The following EFTUD2 variants were observed in gnomAD, a reference collection of about 807,000 sequenced individuals.
The protein encoded by EFTUD2 is 116 kDa U5 small nuclear ribonucleoprotein component.
A neutral mutation model predicts 114.3 loss-of-function variants in EFTUD2; 9 were observed. The observed-to-expected ratio is 0.08, with a 90% CI of 0.05 to 0.14. The LOEUF is 0.14. Ranked by LOEUF, EFTUD2 falls within the 10% of genes least tolerant of loss-of-function variation. The pLI is 1.00. For synonymous variants in EFTUD2, 449 were observed against 462.3 expected (o/e 0.97, Z 0.37); for missense variants, 765 against 1,241.2 (o/e 0.62, Z 5.76).
rs144282743 is a variant in EFTUD2 at position 44,853,565 on chromosome 17, G to A, written c.2418C>T (p.Gly806=). 7 of 1,614,038 alleles carry A rather than the reference G, an allele frequency of 4.3e-6. No homozygotes were observed. The African/African-American group carries it at 5.3e-5, about 12-fold the overall frequency. ...VAQEPLHRGG[G]QIIPTARRVV... is the part of the protein sequence containing the mutation. The stretch of plus-strand genomic sequence containing the variant: ...CTCTCCTGGCTGTGGGGATGATCTG[G>A]CCCCCGCCCCGGTGCAGGGGCTCCT... The change falls in exon 24 of 28, where the codon GGC becomes GGT. Residue 806 remains glycine (G), a synonymous_variant. Coordinates refer to ENST00000426333, the MANE Select transcript of EFTUD2 (RefSeq NM_004247.4).
At chr17:44,866,012 G>A (rs1346564597) in intron 13 of EFTUD2, among the ~76,000 whole-genome samples, 1 of 152,172 alleles carries the variant, frequency 6.6e-6, no homozygotes, top group Non-Finnish European at 1.5e-5. Flanking sequence ...GTTTAGCCAT[G>A]TTGTCCAAGC....
intron 11 of EFTUD2, 104 bp from the exon 12 acceptor site, chr17:44,868,454 C>A: frequency 9.2e-7 from 1 of 1,092,242 alleles, no homozygotes; most frequent in Non-Finnish European, 1.3e-6. Flanking sequence ...CTAGCACTTT[C>A]CTTTCCAGGG....
rs371197890 is a variant in EFTUD2, at chr17:44,871,631, G to A, written c.994+815C>T. On this transcript the variant is annotated intron_variant, in intron 11 of 27. Coordinates refer to ENST00000426333, the MANE Select transcript of EFTUD2 (RefSeq NM_004247.4). ...TGGGATTACAGGCGTGAGCCACCGC[G>A]CCTGGCCAAAAAAGACTGAACTTTA... is the stretch of plus-strand genomic sequence containing the variant. Among the ~76,000 whole-genome samples, 11 of 152,174 alleles carry A rather than the reference G, an allele frequency of 7.2e-5. No homozygotes were observed. In the East Asian group the frequency reaches 9.7e-4, roughly 13 times the overall value.
At position 44,852,452 on chromosome 17, in the gene EFTUD2, G is replaced by A; in HGVS notation, c.2672C>T (p.Thr891Ile). The A allele has an allele frequency of 6.2e-7, 1 of 1,614,124 alleles. No individual in the cohort carries two copies. Among genetic ancestry groups the A allele is most frequent in the Non-Finnish European group, 8.5e-7 (1 of 1,180,020 alleles). ...FGFETDLRTH[T>I]QGQAFSLSVF... ...AGACAGAGAAAAGGCTTGTCCCTGG[G>A]TGTGAGTCCGGAGATCAGTCTCAAA... Residue 891 changes from threonine to isoleucine, a missense_variant, in exon 26 of 28, where the codon ACC becomes ATC. Around this residue, in one of 6 missense-constraint regions of EFTUD2, gnomAD observed 166 missense variants for 401.5 expected, o/e 0.41. Transcript: ENST00000426333.
At position 44,862,892 on chromosome 17, in the gene EFTUD2, G is replaced by A. The variant is rs1318987994; in HGVS notation, c.1428C>T (p.Cys476=). 1.2e-6 allele frequency: 2 copies of A among 1,609,586 alleles called. No individual in the cohort carries two copies. The highest frequency in any genetic ancestry group is 2.2e-5 in the East Asian group (1 of 44,774). ...SDCDPDGPLM[C]HTTKMYSTDD... The stretch of plus-strand genomic sequence containing the variant: ...CTGTGCTGTACATCTTAGTAGTGTG[G>A]CACATCAGGGGGCCCTGGAAGAGGG... Residue 476 remains cysteine, a synonymous_variant, in exon 16 of 28, where the codon TGC becomes TGT. Transcript: ENST00000426333.
In EFTUD2 at chr17:44,855,019, A is replaced by C; in HGVS notation, c.2046-15T>G. ...TGATCTTGTTCCTGGTCAGAATGGA[A>C]ATGGGTGGTAAGGACGGCTAACAGA... On this transcript the variant is annotated splice_polypyrimidine_tract_variant and intron_variant, in intron 20 of 27. Coordinates refer to ENST00000426333, the MANE Select transcript of EFTUD2 (RefSeq NM_004247.4). 6.2e-7 allele frequency: 1 copy of C among 1,610,234 alleles called. No homozygotes were observed. The highest frequency in any genetic ancestry group is 8.5e-7 in the Non-Finnish European group (1 of 1,176,540).
At chr17:44,862,347 A>T (rs1362664679) in intron 16 of EFTUD2, among the ~76,000 whole-genome samples, 1 of 152,146 alleles carries the variant, frequency 6.6e-6, no homozygotes, top group African/African-American at 2.4e-5. Context: ...AGGTGGAAGG[A>T]CTGCTTGAGC....
Position 44,854,894 on chromosome 17 carries a change from C to G in EFTUD2, c.2132+24G>C. On this transcript the variant is annotated intron_variant, in intron 21 of 27. Transcript: ENST00000426333. This position sits in a 1 kb window ranked among gnomAD's most constrained non-coding sequence, Gnocchi z 4.3. ...GTGGCATCCCTGCCTCCTTTCGACC[C>G]TGGCGTCAGAGCCCTGTTCTCACCT... The G allele has an allele frequency of 6.2e-7, 1 of 1,612,026 alleles. No individual in the cohort carries two copies. The highest frequency in any genetic ancestry group is 8.5e-7 in the Non-Finnish European group (1 of 1,178,190).
chr17:44,867,115 C>T lies in EFTUD2; in HGVS notation c.1149+692G>A, dbSNP rs564890852. 2.6e-5 allele frequency among the ~76,000 whole-genome samples: 4 copies of T among 152,198 alleles called. 1 individual carries two copies. In the South Asian group the frequency reaches 6.2e-4, roughly 24 times the overall value. ...GAGTGGGACCCTATCTCTAAAAATG[C>T]TATAATAAACACTTTGACTTATATG... is the stretch of plus-strand genomic sequence containing the variant. On this transcript the variant is annotated intron_variant, in intron 13 of 27. Coordinates refer to ENST00000426333, the MANE Select transcript of EFTUD2 (RefSeq NM_004247.4).
intron 6 of EFTUD2, among the ~76,000 whole-genome samples, chr17:44,882,153 C>T (rs563125371): frequency 6.6e-6 from 1 of 152,250 alleles, no homozygotes; most frequent in African/African-American, 2.4e-5. Flanking sequence ...AGGCTGGTCT[C>T]GAACTCCTGA....
At chr17:44,887,441 T>A (rs2051195000) in intron 2 of EFTUD2, among the ~76,000 whole-genome samples, 1 of 152,202 alleles carries the variant, frequency 6.6e-6, no homozygotes, top group African/African-American at 2.4e-5. Flanking sequence ...GATGACTGGA[T>A]AAATGAAATG....
At chr17:44,889,480 T>C (rs957428413) in intron 2 of EFTUD2, among the ~76,000 whole-genome samples, 1 of 152,148 alleles carries the variant, frequency 6.6e-6, no homozygotes, top group Non-Finnish European at 1.5e-5. Flanking sequence ...CAGGGAAAAC[T>C]GATGGCACAG....
chr17:44,880,727 A>C (rs902452447), intron 7 of EFTUD2, 83 bp from the exon 8 acceptor site: 101 of 998,028 alleles, frequency 1.0e-4, no homozygotes, highest in Non-Finnish European at 1.4e-4. Context: ...GTTGCTAGTA[A>C]ATTACACTGA....
At chr17:44,856,768 A>AAC (rs1555564773) in intron 20 of EFTUD2, among the ~76,000 whole-genome samples, 1 of 151,950 alleles carries the variant, frequency 6.6e-6, no homozygotes, top group African/African-American at 2.4e-5. Flanking sequence ...CAAAAAAAAA[A>AAC]AAAACAAAAA....
At position 44,852,493 on chromosome 17, in the gene EFTUD2, G is replaced by A. The variant is rs150043541; in HGVS notation, c.2631C>T (p.Ala877=). The stretch of plus-strand genomic sequence containing the variant: ...CAGTCTCAAAGCCAAAAGAGTCGAT[G>A]GCCGGGATAAAAGCTTTGATGGTGT... ...PLYTIKAFIP[A]IDSFGFETDL... The change falls in exon 26 of 28, where the codon GCC becomes GCT. Residue 877 remains alanine (A), a synonymous_variant. Coordinates refer to ENST00000426333, the MANE Select transcript of EFTUD2 (RefSeq NM_004247.4). 1.6e-4 allele frequency: 264 copies of A among 1,614,112 alleles called. 1 individual carries two copies. The East Asian group carries it at 5.5e-3, about 34-fold the overall frequency.
chr17:44,853,567 C>T lies in EFTUD2; in HGVS notation c.2416G>A (p.Gly806Ser). The part of the protein sequence containing the change: ...VAQEPLHRGG[G>S]QIIPTARRVV... ...CTCCTGGCTGTGGGGATGATCTGGC[C>T]CCCGCCCCGGTGCAGGGGCTCCTGG... Residue 806 changes from glycine to serine, a missense_variant, in exon 24 of 28, where the codon GGC (glycine) becomes AGC (serine). Gly to Ser is a moderately conservative substitution (Grantham distance 56, BLOSUM62 0). Coordinates refer to ENST00000426333, the MANE Select transcript of EFTUD2 (RefSeq NM_004247.4). 2 of 1,614,156 alleles carry T rather than the reference C, an allele frequency of 1.2e-6. No individual in the cohort carries two copies. Among genetic ancestry groups the T allele is most frequent in the East Asian group, 2.2e-5 (1 of 44,882 alleles).
intron 16 of EFTUD2, among the ~76,000 whole-genome samples, chr17:44,862,124 C>T (rs1012703972): frequency 1.3e-5 from 2 of 152,172 alleles, no homozygotes; most frequent in African/African-American, 4.8e-5. Flanking sequence ...AAAGTTCATA[C>T]AAGCTTCATG....
At position 44,888,173 on chromosome 17, in the gene EFTUD2, G is replaced by A. The variant is rs114116288; in HGVS notation, c.106-1423C>T. On this transcript the variant is annotated intron_variant, in intron 2 of 27. Transcript: ENST00000426333. Reference sequence around the variant, plus strand: ...GGTTTAGCAAGGAAGCCAATATGGTGAGAATGGAGCGAAGGATGGGGGAAC... The same window carrying A: ...GGTTTAGCAAGGAAGCCAATATGGTAAGAATGGAGCGAAGGATGGGGGAAC... Among the ~76,000 whole-genome samples the A allele has an allele frequency of 4.7e-3, 712 of 152,354 alleles. 7 individuals carry two copies. The highest frequency in any genetic ancestry group is 0.017 in the African/African-American group (696 of 41,596).
intron 1 of EFTUD2, among the ~76,000 whole-genome samples, chr17:44,897,939 A>G (rs537835750): frequency 2.0e-5 from 3 of 152,346 alleles, no homozygotes; most frequent in Admixed American, 1.3e-4. Context: ...AGCACCTTGC[A>G]TAAGTAGGAA....
Sources: allele counts gnomAD v4.1 joint callset (sites outside exome capture counted in the v4.1 genomes callset), GRCh38; gene constraint gnomAD v4.1.1; regional missense constraint gnomAD v4.1.1; non-coding constraint Gnocchi (gnomAD v3.1); transcripts MANE v1.5; gene names NCBI Gene and HGNC (gene_info 2026-07-23, HGNC 2026-07-21).